SNX5: variants seen among roughly 807,000 people sequenced by gnomAD.
SNX5 encodes the protein sorting nexin 5, also known as sorting nexin-5.
SNX5 carries 31 observed loss-of-function variants against 53.9 expected under a neutral mutation model. The ratio of observed to expected loss-of-function variants is 0.58; its 90% CI spans 0.43 to 0.78. SNX5 has a LOEUF of 0.78. Ranked by LOEUF, SNX5 falls within the 30% of genes least tolerant of loss-of-function variation. SNX5 has a pLI of 0.00. For missense variants in SNX5, 471 were observed against 478.8 expected, an observed-to-expected ratio of 0.98 and a Z score of 0.15; for synonymous variants, 168 against 171.1, an observed-to-expected ratio of 0.98 and a Z score of 0.14.
rs1239029431 is a variant in SNX5 at position 17,961,300 on chromosome 20, TAC to T, written c.52-4265_52-4264del. 4.1e-6 allele frequency: 4 copies of T among 985,276 alleles called. No individual in the cohort carries two copies. The African/African-American group carries it at 5.2e-5, about 13-fold the overall frequency. 61.0% of individuals were successfully genotyped at this position (985,276 alleles called of 1,614,324 possible). On this transcript the variant is annotated intron_variant, in intron 1 of 12. Transcript: ENST00000377759. Reference sequence around the variant, plus strand: ...TGCCTCTTCAAAAGGTTTAATGGCTTACAGAGGGCAAAGGGCACCTGGATGAC... The same window carrying T: ...TGCCTCTTCAAAAGGTTTAATGGCTTAGAGGGCAAAGGGCACCTGGATGAC...
At chr20:17,950,491 A>G in intron 6 of SNX5, 95 bp from the exon 7 acceptor site, 1 of 704,284 alleles carries the variant, frequency 1.4e-6, no homozygotes, top group Non-Finnish European at 2.4e-6. Context: ...TGCTTAGAAC[A>G]TGGCATATAA....
intron 12 of SNX5, 51 bp from the exon 13 acceptor site, chr20:17,942,458 A>G (rs1351228350): frequency 7.3e-7 from 1 of 1,369,608 alleles, no homozygotes; most frequent in African/African-American, 1.4e-5. Flanking sequence ...AACTTGCCAT[A>G]TACCTGGAAT....
rs73599781 is a variant in SNX5, at chr20:17,962,227, C to G, written c.52-5190G>C. 7.8e-3 allele frequency: 1,146 copies of G among 146,288 alleles called. 41 individuals are homozygous for G. The East Asian group carries it at 0.11, about 14-fold the overall frequency. 9.1% of individuals were successfully genotyped at this position (146,288 alleles called of 1,614,324 possible). ...TTTTTTTTTTTTTTTGAGACGGAGT[C>G]TCACTCTGTTGCCCAGGCTGGAGTG... is the stretch of plus-strand genomic sequence containing the variant. On this transcript the variant is annotated intron_variant, in intron 1 of 12. Transcript: ENST00000377759.
Position 17,956,694 on chromosome 20 carries a change from AAAAAAAAAAAC to A in SNX5, c.156+228_156+238del, listed in dbSNP as rs1444743492. ...TCTCCAAAAAAAAAAAAAAAAAAAA[AAAAAAAAAAAC>A]AAAAAAACAATGCCCACAGCCCAGG... On this transcript the variant is annotated intron_variant, in intron 2 of 12. Coordinates refer to ENST00000377759, the MANE Select transcript of SNX5 (RefSeq NM_014426.4). 2.9e-3 allele frequency among the ~76,000 whole-genome samples: 382 copies of A among 130,078 alleles called. 11 individuals are homozygous for A. The highest frequency in any genetic ancestry group is 4.7e-3 in the Non-Finnish European group (266 of 56,386). The allele number at this position is 130,078 out of a possible 152,430, so 85.3% of individuals were successfully genotyped here.
intron 11 of SNX5, among the ~76,000 whole-genome samples, chr20:17,945,684 C>A (rs1019167247): frequency 4.6e-5 from 7 of 151,758 alleles, no homozygotes; most frequent in Non-Finnish European, 7.4e-5. Flanking sequence ...TTTGGAAGAA[C>A]CCAACACAGC....
At chr20:17,951,397 A>T in intron 6 of SNX5, 103 bp downstream of exon 6, 1 of 728,618 alleles carries the variant, frequency 1.4e-6, no homozygotes, top group South Asian at 1.6e-5. Context: ...TACATGTCTT[A>T]AAAGTTAACC....
rs1371359219 is a variant in SNX5 at position 17,968,774 on chromosome 20, G to A, written c.-349C>T. On this transcript the variant is annotated 5_prime_UTR_variant, in exon 1 of 13. Transcript: ENST00000377759. ...ACGGGAAGCAACGGACACTCTCCCA[G>A]CAAGACGCGTCTAGAGAAAGACCGC... 6 of 327,174 alleles carry A rather than the reference G, an allele frequency of 1.8e-5. No individual in the cohort carries two copies. Among genetic ancestry groups the A allele is most frequent in the East Asian group, 1.2e-4 (2 of 16,276 alleles). The allele number at this position is 327,174 out of a possible 1,614,324, so 20.3% of individuals were successfully genotyped here. A position where few individuals can be genotyped will look rare whatever the true frequency, so the allele number is the denominator to read the frequency against.
At position 17,957,016 on chromosome 20, in the gene SNX5, G is replaced by A. The variant is rs373912588; in HGVS notation, c.73C>T (p.Leu25=). The change falls in exon 2 of 13, where the codon CTG becomes TTG. Residue 25 remains leucine (L), a synonymous_variant. Transcript: ENST00000377759. ...RSKLRSVSVD[L]NVDPSLQIDI... The stretch of plus-strand genomic sequence containing the variant: ...ATCTGAAGCGAGGGATCAACATTCA[G>A]GTCCACAGATACAGATCTCAGCTGA... 6.2e-7 allele frequency: 1 copy of A among 1,600,284 alleles called. No individual in the cohort carries two copies. The highest frequency in any genetic ancestry group is 8.6e-7 in the Non-Finnish European group (1 of 1,167,550).
In SNX5 at chr20:17,955,429, T is replaced by G; in HGVS notation, c.203A>C (p.Gln68Pro). 6.2e-7 allele frequency: 1 copy of G among 1,614,196 alleles called. No homozygotes were observed. The highest frequency in any genetic ancestry group is 8.5e-7 in the Non-Finnish European group (1 of 1,180,016). The change falls in exon 3 of 13, where the codon CAA becomes CCA. Residue 68 changes from glutamine to proline, a missense_variant. Physicochemically the swap from Gln to Pro is moderately conservative, Grantham distance 76. Transcript: ENST00000377759. ...ATGTAGCCACACAAAGTCTTCATGT[T>G]GCCTTGTAACAGAAAACTCTGGGCT... ...FQSPEFSVTR[Q>P]HEDFVWLHDT...
chr20:17,963,826 C>A (rs189797234), intron 1 of SNX5, among the ~76,000 whole-genome samples: 15 of 152,360 alleles, frequency 9.8e-5, no homozygotes. Flanking sequence ...CCTGTTTGAA[C>A]TTAACCTTGG....
At position 17,961,683 on chromosome 20, in the gene SNX5, A is replaced by T. The variant is rs150125770; in HGVS notation, c.52-4646T>A. ...TCCAAAAGCAGAAGATATGTACTTA[A>T]GCAGCACATGCTACAGTGTCTTCTC... On this transcript the variant is annotated intron_variant, in intron 1 of 12. Coordinates refer to ENST00000377759, the MANE Select transcript of SNX5 (RefSeq NM_014426.4). The T allele has an allele frequency of 5.7e-4, 565 of 984,688 alleles. 1 individual carries two copies. In the African/African-American group the frequency reaches 8.8e-3, roughly 15 times the overall value. 61.0% of individuals were successfully genotyped at this position (984,688 alleles called of 1,614,324 possible).
At chr20:17,967,635 C>T (rs1429147365) in intron 1 of SNX5, 1 of 155,354 alleles carries the variant, frequency 6.4e-6, no homozygotes, top group African/African-American at 2.4e-5. Flanking sequence ...AACCATGCAT[C>T]GCAAAGCTAC....
In SNX5 at chr20:17,952,700, C is replaced by T. The variant is rs1600341213; in HGVS notation, c.400G>A (p.Ala134Thr). Residue 134 changes from alanine to threonine, a missense_variant, in exon 5 of 13, where the codon GCT becomes ACT. Transcript: ENST00000377759. ...MKQELEAEYLAVFKKTVSSHE... is the reference protein window; with the variant it reads ...MKQELEAEYLTVFKKTVSSHE... ...GAGGACACAGTCTTCTTAAACACAGCGAGATACTCACTGAAAAGAGATGTG... is the reference window on the plus strand; with the variant it reads ...GAGGACACAGTCTTCTTAAACACAGTGAGATACTCACTGAAAAGAGATGTG... 1.2e-6 allele frequency: 2 copies of T among 1,612,776 alleles called. No individual in the cohort carries two copies. Among genetic ancestry groups the T allele is most frequent in the Non-Finnish European group, 8.5e-7 (1 of 1,179,574 alleles).
intron 1 of SNX5, chr20:17,962,898 G>C (rs534828807): frequency 5.8e-6 from 3 of 518,920 alleles, no homozygotes; most frequent in African/African-American, 3.8e-5. Flanking sequence ...CTTGGAAGAA[G>C]GTCAGTGCAG....
In SNX5 at chr20:17,957,128, CATAG is replaced by C. The variant is rs201477474; in HGVS notation, c.52-95_52-92del. ...AGTAGTTACTAAAAAGCAGTTTATA[CATAG>C]ATCATTTAGAAATGTCAGTTGAGCT... On this transcript the variant is annotated intron_variant, in intron 1 of 12. Coordinates refer to ENST00000377759, the MANE Select transcript of SNX5 (RefSeq NM_014426.4). 6.8e-4 allele frequency: 531 copies of C among 782,966 alleles called. 8 individuals are homozygous for C. In the East Asian group the frequency reaches 0.012, roughly 17 times the overall value. The allele number at this position is 782,966 out of a possible 1,614,324, so 48.5% of individuals were successfully genotyped here.
intron 11 of SNX5, among the ~76,000 whole-genome samples, chr20:17,945,933 G>A (rs2039482677): frequency 6.6e-6 from 1 of 152,156 alleles, no homozygotes; most frequent in African/African-American, 2.4e-5. Context: ...AATTTTTCAT[G>A]GAAACACGCG....
intron 1 of SNX5, among the ~76,000 whole-genome samples, chr20:17,963,200 CCAGG>C (rs1416790410): frequency 2.6e-5 from 4 of 152,188 alleles, no homozygotes; most frequent in Non-Finnish European, 5.9e-5. Context: ...AGAAACCCAG[CCAGG>C]CAGAGAGGTT....
rs777524319 is a variant in SNX5 at position 17,950,198 on chromosome 20, T to C, written c.725A>G (p.Asp242Gly). 1.9e-6 allele frequency: 3 copies of C among 1,614,084 alleles called. No homozygotes were observed. In the African/African-American group the frequency reaches 4.0e-5, roughly 22 times the overall value. ...GCAGGCTGCGGTGTGGATATAGTCA[T>C]CGGCAACATCTGCAGAAACAAGGAC... ...KMTRSHKNVA[D>G]DYIHTAACLH... The change falls in exon 8 of 13, where the codon GAT (aspartate) becomes GGT (glycine). Residue 242 changes from aspartate (D) to glycine (G), a missense_variant. Physicochemically the swap from Asp to Gly is moderately conservative, Grantham distance 94. Transcript: ENST00000377759.
At chr20:17,950,789 T>C (rs548997737) in intron 6 of SNX5, among the ~76,000 whole-genome samples, 2 of 152,320 alleles carry the variant, frequency 1.3e-5, no homozygotes, top group East Asian at 3.9e-4. Flanking sequence ...CTGGTAGGCA[T>C]TGGCCAAGGA....
Sources: allele counts gnomAD v4.1 joint callset (sites outside exome capture counted in the v4.1 genomes callset), GRCh38; gene constraint gnomAD v4.1.1; transcripts MANE v1.5; gene names NCBI Gene and HGNC (gene_info 2026-07-23, HGNC 2026-07-21).